Variants in STON2 observed in about 807,000 individuals in gnomAD.
STON2 encodes stonin-2.
Under a neutral mutation model 65.7 loss-of-function variants are expected in STON2, and 29 were observed. The ratio of observed to expected loss-of-function variants is 0.44; its 90% CI spans 0.33 to 0.60. STON2 has a LOEUF of 0.60. Among genes scored for constraint, STON2 ranks in the 20% least tolerant of loss-of-function variants. The probability of loss-of-function intolerance (pLI) is 0.03; values close to 1 mark genes in which losing one functional copy is unlikely to be tolerated. For missense variants in STON2, 1,054 were observed against 1,118.1 expected, an observed-to-expected ratio of 0.94 and a Z score of 0.82; for synonymous variants, 404 against 414.2, an observed-to-expected ratio of 0.98 and a Z score of 0.30.
intron 4 of STON2, among the ~76,000 whole-genome samples, chr14:81,342,332 G>A (rs955300039): frequency 1.3e-4 from 19 of 151,932 alleles, no homozygotes; most frequent in African/African-American, 3.9e-4. Flanking sequence ...ATGGGGTTTC[G>A]CCACATTGGC....
chr14:81,279,023 C>T (rs373027640), intron 5 of STON2, among the ~76,000 whole-genome samples: 3 of 152,072 alleles, frequency 2.0e-5, no homozygotes, highest in African/African-American at 7.2e-5. Context: ...ATATACTCTT[C>T]CTTATTTTAT....
intron 3 of STON2, among the ~76,000 whole-genome samples, chr14:81,376,002 A>G (rs543683490): frequency 6.6e-6 from 1 of 151,896 alleles, no homozygotes; most frequent in African/African-American, 2.4e-5. Flanking sequence ...AATAAATATT[A>G]GGAAATATTT....
intron 4 of STON2, among the ~76,000 whole-genome samples, chr14:81,331,061 G>C (rs1038912454): frequency 6.6e-6 from 1 of 152,238 alleles, no homozygotes; most frequent in African/African-American, 2.4e-5. Flanking sequence ...ATCCAGCTAT[G>C]GGTCAAAAGC....
intron 5 of STON2, among the ~76,000 whole-genome samples, chr14:81,294,247 G>A (rs192546577): frequency 1.6e-3 from 243 of 152,302 alleles, no homozygotes; most frequent in Non-Finnish European, 1.9e-3. Flanking sequence ...AGATAGGACA[G>A]TATTCTTATT....
chr14:81,374,175 C>T (rs1899142253), intron 3 of STON2, among the ~76,000 whole-genome samples: 2 of 150,586 alleles, frequency 1.3e-5, no homozygotes, highest in East Asian at 2.0e-4. Flanking sequence ...CATGCCCGGC[C>T]GATTTTTTTT....
chr14:81,366,621 G>T (rs1290039635), intron 4 of STON2, among the ~76,000 whole-genome samples: 3 of 151,914 alleles, frequency 2.0e-5, no homozygotes, highest in Non-Finnish European at 4.4e-5. Flanking sequence ...TCCTCCCAAG[G>T]TTCCCCAGGC....
chr14:81,358,580 TTAC>T, intron 4 of STON2, among the ~76,000 whole-genome samples: 1 of 152,154 alleles, frequency 6.6e-6, no homozygotes, highest in East Asian at 1.9e-4. Flanking sequence ...ATTGATTAAA[TTAC>T]TCAATAAAAA....
chr14:81,261,644 A>T lies in STON2; in HGVS notation c.*6770T>A. ...CCTCCTTCAATTTTCACAATATTTTATACAAAATGACAAATATATATATAC... is the reference window on the plus strand; with the variant it reads ...CCTCCTTCAATTTTCACAATATTTTTTACAAAATGACAAATATATATATAC... On this transcript the variant is annotated 3_prime_UTR_variant, in exon 8 of 8. Coordinates refer to ENST00000614646, the MANE Select transcript of STON2 (RefSeq NM_001394390.1). 1.2e-6 allele frequency: 1 copy of T among 831,214 alleles called. No individual in the cohort carries two copies. 51.5% of individuals were successfully genotyped at this position (831,214 alleles called of 1,614,324 possible).
chr14:81,366,441 C>G (rs1047858207), intron 4 of STON2, among the ~76,000 whole-genome samples: 2 of 152,100 alleles, frequency 1.3e-5, no homozygotes, highest in Non-Finnish European at 2.9e-5. Flanking sequence ...ACATGAGGTG[C>G]CCAGTGGTTA....
chr14:81,308,022 A>G (rs1335817471), intron 5 of STON2, among the ~76,000 whole-genome samples: 1 of 152,176 alleles, frequency 6.6e-6, no homozygotes, highest in East Asian at 1.9e-4. Flanking sequence ...ATAATCAGAT[A>G]ATATATCTGA....
At chr14:81,342,961 C>T (rs1481677601) in intron 4 of STON2, among the ~76,000 whole-genome samples, 1 of 152,188 alleles carries the variant, frequency 6.6e-6, no homozygotes, top group East Asian at 1.9e-4. Flanking sequence ...AGTCAAGCGG[C>T]AATGCCTATG....
chr14:81,297,046 C>T (rs1027989834), intron 5 of STON2, among the ~76,000 whole-genome samples: 1 of 152,086 alleles, frequency 6.6e-6, no homozygotes, highest in African/African-American at 2.4e-5. Context: ...CCTACAGGGC[C>T]CTTGGGGACT....
In STON2 at chr14:81,262,635, T is replaced by C. The variant is rs1043804084; in HGVS notation, c.*5779A>G. 9 of 985,334 alleles carry C rather than the reference T, an allele frequency of 9.1e-6. No individual in the cohort carries two copies. Among genetic ancestry groups the C allele is most frequent in the Non-Finnish European group, 8.4e-6 (7 of 829,916 alleles). 61.0% of individuals were successfully genotyped at this position (985,334 alleles called of 1,614,324 possible). A position where few individuals can be genotyped will look rare whatever the true frequency, so the allele number is the denominator to read the frequency against. Reference sequence around the variant, plus strand: ...TGATCATTTGCCTCTCTCCAGGCACTACCAAACTCATTACTGTGGATAGTT... The same window carrying C: ...TGATCATTTGCCTCTCTCCAGGCACCACCAAACTCATTACTGTGGATAGTT... On this transcript the variant is annotated 3_prime_UTR_variant, in exon 8 of 8. Transcript: ENST00000614646.
chr14:81,428,464 T>G (rs1426891855), intron 1 of STON2, among the ~76,000 whole-genome samples: 2 of 152,252 alleles, frequency 1.3e-5, no homozygotes, highest in African/African-American at 4.8e-5. Flanking sequence ...GGCTCACGCC[T>G]GTAATCCCAG....
At chr14:81,365,592 C>T (rs1898685787) in intron 4 of STON2, among the ~76,000 whole-genome samples, 2 of 151,968 alleles carry the variant, frequency 1.3e-5, no homozygotes, top group Admixed American at 6.6e-5. Context: ...CCCGTCTCTA[C>T]TAAAAATACA....
At chr14:81,319,800 C>T (rs746946756) in intron 5 of STON2, among the ~76,000 whole-genome samples, 8 of 152,168 alleles carry the variant, frequency 5.3e-5, no homozygotes, top group East Asian at 1.9e-4. Context: ...CTGACAATCA[C>T]AAGAATTGAG....
intron 4 of STON2, among the ~76,000 whole-genome samples, chr14:81,369,347 G>T (rs559493928): frequency 3.9e-5 from 6 of 152,288 alleles, no homozygotes; most frequent in African/African-American, 1.4e-4. Context: ...TGTGGAGGCA[G>T]ACTAATAATG....
rs544442491 is a variant in STON2, at chr14:81,264,386, G to A, written c.*4028C>T. 7 of 985,274 alleles carry A rather than the reference G, an allele frequency of 7.1e-6. No homozygotes were observed. Among genetic ancestry groups the A allele is most frequent in the Admixed American group, 1.2e-4 (2 of 16,256 alleles). The allele number at this position is 985,274 out of a possible 1,614,324, so 61.0% of individuals were successfully genotyped here. On this transcript the variant is annotated 3_prime_UTR_variant, in exon 8 of 8. Transcript: ENST00000614646. ...GATAAGTAAGGGTTAAGTAGCCTTC[G>A]AGTCTCAGGGTCAGTATTCTTTCAG...
At chr14:81,310,899 G>A (rs967180417) in intron 5 of STON2, among the ~76,000 whole-genome samples, 2 of 151,960 alleles carry the variant, frequency 1.3e-5, no homozygotes, top group African/African-American at 4.8e-5. Context: ...AAATGCAAAG[G>A]CCTTTGACTT....
Sources: gnomAD v4.1 joint callset for allele counts (sites outside exome capture counted in the v4.1 genomes callset) on GRCh38, gnomAD v4.1.1 for gene constraint, MANE v1.5 for transcripts, NCBI Gene and HGNC (gene_info 2026-07-23, HGNC 2026-07-21) for gene names.